TMEM45A: variants seen among roughly 807,000 people sequenced by gnomAD.
TMEM45A encodes the protein DNA polymerase-transactivated protein 4.
TMEM45A carries 25 observed loss-of-function variants against 32.0 expected under a neutral mutation model. The ratio of observed to expected loss-of-function variants is 0.78; its 90% CI spans 0.57 to 1.09. TMEM45A has a LOEUF of 1.09. TMEM45A is among the 50% of genes least tolerant of loss of function. The pLI is 0.00. For missense variants in TMEM45A, 302 were observed against 325.0 expected (o/e 0.93, Z 0.54); for synonymous variants, 122 against 114.8 (o/e 1.06, Z -0.40).
chr3:100,556,878 G>A lies in TMEM45A; in HGVS notation c.309G>A (p.Gly103=). 6.2e-7 allele frequency: 1 copy of A among 1,614,162 alleles called. No homozygotes were observed. The highest frequency in any genetic ancestry group is 8.5e-7 in the Non-Finnish European group (1 of 1,180,026). The change falls in exon 3 of 6, where the codon GGG becomes GGA. Residue 103 remains glycine, a synonymous_variant. Coordinates refer to ENST00000323523, the MANE Select transcript of TMEM45A (RefSeq NM_018004.3). Reference sequence around the variant, plus strand: ...ATTTCACCATGTATTTCTTCTTTGGGCTGTTGGGTGTGGCAGATATCTTAT... The same window carrying A: ...ATTTCACCATGTATTTCTTCTTTGGACTGTTGGGTGTGGCAGATATCTTAT... ...WHHFTMYFFF[G]LLGVADILCF...
At chr3:100,551,344 A>G (rs2148977352) in intron 1 of TMEM45A, among the ~76,000 whole-genome samples, 1 of 152,270 alleles carries the variant, frequency 6.6e-6, no homozygotes, top group South Asian at 2.1e-4. Context: ...TGTAAGTGGT[A>G]GGATCAGGTA....
intron 1 of TMEM45A, among the ~76,000 whole-genome samples, chr3:100,546,964 C>T (rs1365111858): frequency 6.6e-6 from 1 of 151,994 alleles, no homozygotes; most frequent in Non-Finnish European, 1.5e-5. Context: ...ATACAGTTGA[C>T]CCTTGAACAA....
intron 3 of TMEM45A, among the ~76,000 whole-genome samples, chr3:100,557,947 G>A (rs960801850): frequency 2.6e-5 from 4 of 152,120 alleles, no homozygotes; most frequent in Non-Finnish European, 4.4e-5. Context: ...TCCTTAAGGC[G>A]ATGCTTTGAC....
At chr3:100,552,474 G>A (rs1706128926) in intron 1 of TMEM45A, among the ~76,000 whole-genome samples, 1 of 152,194 alleles carries the variant, frequency 6.6e-6, no homozygotes, top group Non-Finnish European at 1.5e-5. Flanking sequence ...ATCAATGTTA[G>A]ACAACAGAGG....
At chr3:100,500,928 T>C (rs1381101169) in intron 1 of TMEM45A, among the ~76,000 whole-genome samples, 1 of 152,218 alleles carries the variant, frequency 6.6e-6, no homozygotes, top group African/African-American at 2.4e-5. Context: ...TTCTTTTTAG[T>C]AGATGAGAAA....
intron 1 of TMEM45A, among the ~76,000 whole-genome samples, chr3:100,522,652 G>A (rs1447298118): frequency 6.6e-6 from 1 of 152,120 alleles, no homozygotes; most frequent in African/African-American, 2.4e-5. Context: ...AGGCCATCGG[G>A]GTCTGGCTAC....
intron 1 of TMEM45A, among the ~76,000 whole-genome samples, chr3:100,553,640 G>A (rs917315931): frequency 6.6e-6 from 1 of 152,148 alleles, no homozygotes; most frequent in Non-Finnish European, 1.5e-5. Context: ...ATAAATCAAA[G>A]ACTTTTAGGG....
intron 1 of TMEM45A, among the ~76,000 whole-genome samples, chr3:100,525,168 A>G (rs1481023717): frequency 6.6e-6 from 1 of 152,174 alleles, no homozygotes; most frequent in Non-Finnish European, 1.5e-5. Context: ...AACCTGGGCA[A>G]CAAAGCAAGA....
At chr3:100,493,751 GAC>G (rs1252545646) in intron 1 of TMEM45A, among the ~76,000 whole-genome samples, 1 of 152,032 alleles carries the variant, frequency 6.6e-6, no homozygotes, top group African/African-American at 2.4e-5. Context: ...TTGTTTTTGA[GAC>G]AGAGTCTCAC....
chr3:100,573,859 A>G (rs577820069), intron 5 of TMEM45A: 5 of 152,168 alleles, frequency 3.3e-5, no homozygotes, highest in Non-Finnish European at 7.4e-5. Context: ...TGAGATAATC[A>G]TGTGGTTTTT....
intron 2 of TMEM45A, 32 bp downstream of exon 2, chr3:100,555,433 C>G: frequency 6.4e-7 from 1 of 1,551,336 alleles, no homozygotes; most frequent in South Asian, 1.2e-5. Context: ...CTATTTTTAC[C>G]TTTTAGGTGT....
intron 1 of TMEM45A, among the ~76,000 whole-genome samples, chr3:100,536,258 T>G (rs962293477): frequency 6.6e-6 from 1 of 152,210 alleles, no homozygotes; most frequent in Admixed American, 6.5e-5. Context: ...GCTCAAACTT[T>G]AATGTGCATA....
chr3:100,539,450 T>TATGCATATGC (rs60074458), intron 1 of TMEM45A, among the ~76,000 whole-genome samples: 14,994 of 114,670 alleles, frequency 0.13, 2,110 homozygotes, highest in Middle Eastern at 0.19. Flanking sequence ...TATGTATATG[T>TATGCATATGC]ATATGTATAT....
chr3:100,541,989 A>G (rs1324353941), intron 1 of TMEM45A, among the ~76,000 whole-genome samples: 1 of 151,790 alleles, frequency 6.6e-6, no homozygotes, highest in Non-Finnish European at 1.5e-5. Flanking sequence ...TGTGTTCTCT[A>G]TTTTGTTCCA....
chr3:100,537,019 T>C (rs1212047230), intron 1 of TMEM45A, among the ~76,000 whole-genome samples: 1 of 152,184 alleles, frequency 6.6e-6, no homozygotes, highest in Non-Finnish European at 1.5e-5. Context: ...CCTCCCAGGT[T>C]CAAGTGATTC....
chr3:100,501,587 A>G lies in TMEM45A; in HGVS notation c.-4+8659A>G, dbSNP rs985799126. ...TGGATGGAAACTCCTTCTTCTTGGG[A>G]TGTTTACAGAGGTTACCTTTTTATC... is the stretch of plus-strand genomic sequence containing the variant. On this transcript the variant is annotated intron_variant, in intron 1 of 5. Transcript: ENST00000323523. Among the ~76,000 whole-genome samples, 15 of 152,188 alleles carry G rather than the reference A, an allele frequency of 9.9e-5. No individual in the cohort carries two copies. In the East Asian group the frequency reaches 1.5e-3, roughly 16 times the overall value.
Position 100,575,363 on chromosome 3 carries a change from C to CTTTT in TMEM45A, c.735-1538_735-1535dup, listed in dbSNP as rs59739893. Among the ~76,000 whole-genome samples the CTTTT allele has an allele frequency of 1.3e-3, 84 of 62,762 alleles. 3 individuals are homozygous for CTTTT. The highest frequency in any genetic ancestry group is 4.2e-3 in the African/African-American group (78 of 18,632). 41.2% of individuals were successfully genotyped at this position (62,762 alleles called of 152,430 possible). A position where few individuals can be genotyped will look rare whatever the true frequency, so the allele number is the denominator to read the frequency against. The stretch of plus-strand genomic sequence containing the variant: ...TGCTTCCCCCAGGCCTATGGATTCT[C>CTTTT]TTTTTTTTTTTTTTTTTTTTTTTTT... On this transcript the variant is annotated intron_variant, in intron 5 of 5. Transcript: ENST00000323523.
intron 1 of TMEM45A, among the ~76,000 whole-genome samples, chr3:100,502,438 T>G (rs1413992610): frequency 6.6e-6 from 1 of 152,098 alleles, no homozygotes; most frequent in African/African-American, 2.4e-5. Context: ...TTAGAAAAGA[T>G]TTGGGGATTC....
chr3:100,557,171 G>T (rs1706238564), intron 3 of TMEM45A, among the ~76,000 whole-genome samples, 199 bp downstream of exon 3: 1 of 152,150 alleles, frequency 6.6e-6, no homozygotes, highest in South Asian at 2.1e-4. Context: ...GTAGAACTGG[G>T]TAAACACAAT....
Sources: gnomAD v4.1 joint callset for allele counts (sites outside exome capture counted in the v4.1 genomes callset) on GRCh38, gnomAD v4.1.1 for gene constraint, MANE v1.5 for transcripts, NCBI Gene and HGNC (gene_info 2026-07-23, HGNC 2026-07-21) for gene names.